Variants in TAFA2 observed in about 807,000 individuals in gnomAD.
The protein encoded by TAFA2 is chemokine-like protein TAFA-2.
In TAFA2, 7 loss-of-function variants were observed where a neutral mutation model predicts 18.8. That is an observed-to-expected ratio of 0.37 (90% confidence interval 0.21 to 0.70). TAFA2 has a LOEUF of 0.70. Among genes scored for constraint, TAFA2 ranks in the 30% least tolerant of loss-of-function variants. The probability of loss-of-function intolerance (pLI) is 0.53; values close to 1 mark genes in which losing one functional copy is unlikely to be tolerated. For synonymous variants in TAFA2, 60 were observed against 54.2 expected, an observed-to-expected ratio of 1.11 and a Z score of -0.47; for missense variants, 122 against 158.1, an observed-to-expected ratio of 0.77 and a Z score of 1.23.
intron 1 of TAFA2, among the ~76,000 whole-genome samples, chr12:61,884,437 C>T (rs755043267): frequency 6.6e-5 from 10 of 152,144 alleles, no homozygotes; most frequent in Non-Finnish European, 1.5e-4. Context: ...ACACCACTAC[C>T]ATTTCCAGTT....
intron 1 of TAFA2, chr12:62,104,902 A>G: frequency 1.2e-5 from 3 of 247,936 alleles, no homozygotes; most frequent in South Asian, 7.2e-5. Flanking sequence ...GGATGTTTAC[A>G]TTTCAAAACG....
intron 1 of TAFA2, among the ~76,000 whole-genome samples, chr12:62,019,264 T>A (rs895325794): frequency 1.3e-5 from 2 of 152,122 alleles, no homozygotes; most frequent in Admixed American, 1.3e-4. Flanking sequence ...GAAGTCAGTG[T>A]GGCGATTCCT....
At chr12:61,989,237 CT>C (rs1355418557) in intron 1 of TAFA2, among the ~76,000 whole-genome samples, 1 of 152,118 alleles carries the variant, frequency 6.6e-6, no homozygotes, top group Non-Finnish European at 1.5e-5. Context: ...CATGTGTCCT[CT>C]CACCAAGATG....
At chr12:62,197,091 G>A (rs552233798), upstream of TAFA2, among the ~76,000 whole-genome samples, 147 of 152,288 alleles carry the variant, frequency 9.7e-4, no homozygotes, top group African/African-American at 3.4e-3. Flanking sequence ...GCACATGCAA[G>A]GGATCCAGGT....
At position 61,754,986 on chromosome 12, in the gene TAFA2, G is replaced by T; in HGVS notation, c.145C>A (p.Leu49Ile). ...VKTGTCEVVA[L>I]HRCCNKNKIE... Reference sequence around the variant, plus strand: ...TTGTTCTTATTACAGCATCTGTGGAGTGCCACCACCTCACAAGTTCCCGTT... The same window carrying T: ...TTGTTCTTATTACAGCATCTGTGGATTGCCACCACCTCACAAGTTCCCGTT... The change falls in exon 3 of 5, where the codon CTC becomes ATC. Residue 49 changes from leucine to isoleucine, a missense_variant. Physicochemically the swap from Leu to Ile is conservative, Grantham distance 5. Around this residue, in one of 2 missense-constraint regions of TAFA2, gnomAD observed 62 missense variants for 55.5 expected, o/e 1.12. Coordinates refer to ENST00000416284, the MANE Select transcript of TAFA2 (RefSeq NM_178539.5). 1 of 1,612,918 alleles carries T rather than the reference G, an allele frequency of 6.2e-7. No homozygotes were observed. The highest frequency in any genetic ancestry group is 8.5e-7 in the Non-Finnish European group (1 of 1,179,368).
At chr12:61,861,758 A>G (rs1029499631) in intron 2 of TAFA2, among the ~76,000 whole-genome samples, 1 of 152,230 alleles carries the variant, frequency 6.6e-6, no homozygotes, top group Non-Finnish European at 1.5e-5. Flanking sequence ...TTATTACCGT[A>G]CTGTATACAC....
chr12:61,899,685 G>A (rs1876011926), intron 1 of TAFA2, among the ~76,000 whole-genome samples: 1 of 151,988 alleles, frequency 6.6e-6, no homozygotes, highest in African/African-American at 2.4e-5. Flanking sequence ...ATTTGGGTGG[G>A]GACACAGAGC....
At chr12:61,734,930 T>A (rs2120672018) in intron 4 of TAFA2, among the ~76,000 whole-genome samples, 1 of 152,048 alleles carries the variant, frequency 6.6e-6, no homozygotes, top group East Asian at 1.9e-4. Context: ...CCTCTTTATG[T>A]CTCAATCTCC....
chr12:62,018,167 T>C (rs1565717675), intron 1 of TAFA2, among the ~76,000 whole-genome samples: 1 of 152,196 alleles, frequency 6.6e-6, no homozygotes, highest in Non-Finnish European at 1.5e-5. Flanking sequence ...ATTGATAACA[T>C]GGACACTGTA....
At chr12:61,799,334 G>C (rs1871311483) in intron 2 of TAFA2, among the ~76,000 whole-genome samples, 2 of 152,088 alleles carry the variant, frequency 1.3e-5, no homozygotes, top group African/African-American at 4.8e-5. Flanking sequence ...TAACCATTTA[G>C]ACTTTGTTCT....
intron 1 of TAFA2, among the ~76,000 whole-genome samples, chr12:62,042,429 G>A (rs1463165301): frequency 1.3e-5 from 1 of 76,824 alleles, no homozygotes; most frequent in East Asian, 2.6e-4. Flanking sequence ...GTGTGTGTGT[G>A]CGCGTGTGTG....
At chr12:62,237,911 A>C (rs1228490504) in intron 1 of TAFA2, among the ~76,000 whole-genome samples, 2 of 152,212 alleles carry the variant, frequency 1.3e-5, no homozygotes, top group African/African-American at 4.8e-5. Flanking sequence ...GGTGCATCCT[A>C]CATCTTGGTG....
chr12:61,814,216 G>A (rs1488373867), intron 2 of TAFA2, among the ~76,000 whole-genome samples: 1 of 151,330 alleles, frequency 6.6e-6, no homozygotes, highest in Non-Finnish European at 1.5e-5. Flanking sequence ...TTGTGCCAGA[G>A]GGAGTAAAAA....
intron 1 of TAFA2, among the ~76,000 whole-genome samples, chr12:62,142,144 T>C (rs575636464): frequency 2.0e-5 from 3 of 152,314 alleles, no homozygotes; most frequent in Admixed American, 6.5e-5. Context: ...CTTGCCACTT[T>C]ATAAGCTTGT....
At position 61,721,948 on chromosome 12, in the gene TAFA2, T is replaced by C. The variant is rs548844113; in HGVS notation, c.385-11531A>G. On this transcript the variant is annotated intron_variant, in intron 4 of 4. Coordinates refer to ENST00000416284, the MANE Select transcript of TAFA2 (RefSeq NM_178539.5). Reference sequence around the variant, plus strand: ...CCAGCCTGGGTGACAAGAGTGAGACTCTCTCTCAAAAAAAAAAAAAGTTTT... The same window carrying C: ...CCAGCCTGGGTGACAAGAGTGAGACCCTCTCTCAAAAAAAAAAAAAGTTTT... 8.2e-5 allele frequency among the ~76,000 whole-genome samples: 8 copies of C among 97,038 alleles called. No individual in the cohort carries two copies. In the South Asian group the frequency reaches 3.4e-3, roughly 41 times the overall value. 63.7% of individuals were successfully genotyped at this position (97,038 alleles called of 152,430 possible). A position where few individuals can be genotyped will look rare whatever the true frequency, so the allele number is the denominator to read the frequency against.
At chr12:61,880,064 A>G (rs1335327661) in intron 1 of TAFA2, 4 of 667,008 alleles carry the variant, frequency 6.0e-6, no homozygotes, top group Non-Finnish European at 1.1e-5. Context: ...GGTGCTGTCC[A>G]TAGACAGCAG....
At chr12:62,104,575 C>T (rs1188758052) in intron 1 of TAFA2, among the ~76,000 whole-genome samples, 1 of 152,174 alleles carries the variant, frequency 6.6e-6, no homozygotes, top group African/African-American at 2.4e-5. Context: ...GAATGTGCAT[C>T]ATAGGTAATC....
At chr12:61,767,492 T>TC (rs1187923135) in intron 2 of TAFA2, among the ~76,000 whole-genome samples, 2 of 152,108 alleles carry the variant, frequency 1.3e-5, no homozygotes, top group Non-Finnish European at 2.9e-5. Context: ...GGTTTTTTTT[T>TC]CACATATGTG....
At chr12:61,901,875 T>C (rs948261754) in intron 1 of TAFA2, among the ~76,000 whole-genome samples, 34 of 152,164 alleles carry the variant, frequency 2.2e-4, no homozygotes, top group Non-Finnish European at 4.3e-4. Flanking sequence ...TTTCTAAGAA[T>C]GGGTTCTGTT....
Sources: allele counts gnomAD v4.1 joint callset (sites outside exome capture counted in the v4.1 genomes callset), GRCh38; gene constraint gnomAD v4.1.1; regional missense constraint gnomAD v4.1.1; transcripts MANE v1.5; gene names NCBI Gene and HGNC (gene_info 2026-07-23, HGNC 2026-07-21).